Variants in CAMTA1 observed in about 807,000 individuals in gnomAD.
The protein encoded by CAMTA1 is calmodulin-binding transcription activator 1.
In CAMTA1, 27 loss-of-function variants were observed where a neutral mutation model predicts 170.9. The observed-to-expected ratio is 0.16, with a 90% CI of 0.12 to 0.22. The LOEUF is 0.22. Among genes scored for constraint, CAMTA1 ranks in the 10% least tolerant of loss-of-function variants. CAMTA1 has a pLI of 1.00. For synonymous variants in CAMTA1, 833 were observed against 891.5 expected (o/e 0.93, Z 1.17); for missense variants, 1,619 against 2,217.2 (o/e 0.73, Z 5.42).
At chr1:7,582,036 C>T (rs2095265520) in intron 6 of CAMTA1, among the ~76,000 whole-genome samples, 1 of 152,154 alleles carries the variant, frequency 6.6e-6, no homozygotes, top group Non-Finnish European at 1.5e-5. Context: ...TCTGGGGATA[C>T]GTTCCCCTGG....
At chr1:7,203,993 G>A (rs1047197779) in intron 4 of CAMTA1, among the ~76,000 whole-genome samples, 4 of 147,082 alleles carry the variant, frequency 2.7e-5, no homozygotes, top group Non-Finnish European at 5.9e-5. Context: ...CACCATGCCC[G>A]GCTAATTTTT....
At chr1:7,057,706 A>G (rs1056344441) in intron 3 of CAMTA1, among the ~76,000 whole-genome samples, 1 of 152,206 alleles carries the variant, frequency 6.6e-6, no homozygotes, top group African/African-American at 2.4e-5. Context: ...TTAGACAGTT[A>G]GTCCTGACAA....
chr1:7,333,830 C>T lies in CAMTA1; in HGVS notation c.438+84204C>T, dbSNP rs2083184557. Among the ~76,000 whole-genome samples the T allele has an allele frequency of 6.6e-6, 1 of 152,146 alleles. No individual in the cohort carries two copies. Among genetic ancestry groups the T allele is most frequent in the Non-Finnish European group, 1.5e-5 (1 of 68,018 alleles). ...GCATTTTTGTAGCCTCCTCAAAATC[C>T]TCTCTCTGTGTTTACATTTTAATGG... On this transcript the variant is annotated intron_variant, in intron 5 of 22. Coordinates refer to ENST00000303635, the MANE Select transcript of CAMTA1 (RefSeq NM_015215.4). The surrounding 1 kb of genome is among the most constrained non-coding windows in gnomAD (Gnocchi z 4.4).
Position 6,966,000 on chromosome 1 carries a change from T to C in CAMTA1, c.235-125304T>C, listed in dbSNP as rs988958774. Among the ~76,000 whole-genome samples the C allele has an allele frequency of 6.6e-6, 1 of 151,460 alleles. No homozygotes were observed. Among genetic ancestry groups the C allele is most frequent in the Non-Finnish European group, 1.5e-5 (1 of 67,892 alleles). On this transcript the variant is annotated intron_variant, in intron 3 of 22. Coordinates refer to ENST00000303635, the MANE Select transcript of CAMTA1 (RefSeq NM_015215.4). This position sits in a 1 kb window ranked among gnomAD's most constrained non-coding sequence, Gnocchi z 4.1. ...CAAGAACAAGCTAGGGCTTTGGGAG[T>C]GTGTGGGGGATCTCGGGGATGGGGA... is the stretch of plus-strand genomic sequence containing the variant.
At chr1:7,467,785 C>A in intron 5 of CAMTA1, 45 bp from the exon 6 acceptor site, 2 of 1,485,622 alleles carry the variant, frequency 1.3e-6, no homozygotes, top group Non-Finnish European at 1.9e-6. Context: ...TTCCTTCCTT[C>A]CTTCCCTCTT....
At chr1:7,129,919 T>G (rs368108382) in intron 4 of CAMTA1, among the ~76,000 whole-genome samples, 3 of 147,040 alleles carry the variant, frequency 2.0e-5, no homozygotes, top group Admixed American at 6.8e-5. Flanking sequence ...CTACCTTCTT[T>G]TGTGTGTGTG....
At chr1:7,078,798 G>A (rs747693301) in intron 3 of CAMTA1, among the ~76,000 whole-genome samples, 4 of 152,218 alleles carry the variant, frequency 2.6e-5, no homozygotes, top group Non-Finnish European at 4.4e-5. Flanking sequence ...TCTGCATGGA[G>A]GCATTTCAAG....
At chr1:7,489,813 C>T (rs912834181) in intron 6 of CAMTA1, among the ~76,000 whole-genome samples, 7 of 152,214 alleles carry the variant, frequency 4.6e-5, no homozygotes, top group African/African-American at 1.7e-4. Flanking sequence ...GGGCCTTCGG[C>T]CAGCATCCCA....
chr1:7,531,922 CTTTTGAACAGATAGTAATTT>C (rs2094496732), intron 6 of CAMTA1, among the ~76,000 whole-genome samples: 1 of 152,146 alleles, frequency 6.6e-6, no homozygotes, highest in Non-Finnish European at 1.5e-5. Context: ...TGAATGTTGG[CTTTTGAACAGATAGTAATTT>C]TTTTCTAACG....
chr1:7,029,874 C>G (rs906355951), intron 3 of CAMTA1, among the ~76,000 whole-genome samples: 4 of 152,134 alleles, frequency 2.6e-5, no homozygotes, highest in Non-Finnish European at 4.4e-5. Context: ...AATAACTATA[C>G]TTTCCAAAAA....
intron 7 of CAMTA1, among the ~76,000 whole-genome samples, chr1:7,651,230 G>C (rs532940572): frequency 6.6e-6 from 1 of 152,180 alleles, no homozygotes; most frequent in Non-Finnish European, 1.5e-5. Context: ...ACCTAGGTGG[G>C]TGGACTGGAC....
intron 4 of CAMTA1, among the ~76,000 whole-genome samples, chr1:7,230,704 A>G (rs1213291530): frequency 1.3e-5 from 2 of 152,176 alleles, no homozygotes; most frequent in East Asian, 1.9e-4. Flanking sequence ...CTGGGAAAGC[A>G]TCCTTATTTG....
chr1:6,819,766 C>G (rs759625144), intron 1 of CAMTA1, among the ~76,000 whole-genome samples: 2 of 152,200 alleles, frequency 1.3e-5, no homozygotes, highest in Non-Finnish European at 2.9e-5. Context: ...AATACTTGAT[C>G]ATGTACTTCC....
chr1:7,204,601 A>G (rs1306109523), intron 4 of CAMTA1, among the ~76,000 whole-genome samples: 1 of 152,012 alleles, frequency 6.6e-6, no homozygotes, highest in African/African-American at 2.4e-5. Flanking sequence ...ATAATGTTTC[A>G]TGTACCCTTA....
intron 3 of CAMTA1, among the ~76,000 whole-genome samples, chr1:6,883,936 A>T (rs949402739): frequency 9.9e-5 from 15 of 152,166 alleles, no homozygotes; most frequent in African/African-American, 3.6e-4. Context: ...AAAAATTGAG[A>T]AGTTACTTAT....
At chr1:7,120,996 T>A (rs1029777343) in intron 4 of CAMTA1, among the ~76,000 whole-genome samples, 9 of 152,258 alleles carry the variant, frequency 5.9e-5, no homozygotes, top group African/African-American at 2.2e-4. Flanking sequence ...GTGCTCTCAC[T>A]TGTGGCAACT....
chr1:7,604,103 G>T (rs529182733), intron 6 of CAMTA1, among the ~76,000 whole-genome samples: 1 of 152,240 alleles, frequency 6.6e-6, no homozygotes, highest in East Asian at 1.9e-4. Context: ...TTTCTCTCTG[G>T]CTGCCCTTAA....
At chr1:6,816,526 A>G (rs933312491) in intron 1 of CAMTA1, among the ~76,000 whole-genome samples, 1 of 152,210 alleles carries the variant, frequency 6.6e-6, no homozygotes, top group Non-Finnish European at 1.5e-5. Context: ...TGTGGGCGAG[A>G]GGCTTCCTGA....
At chr1:6,900,804 C>CTA (rs1488508410) in intron 3 of CAMTA1, among the ~76,000 whole-genome samples, 1 of 152,146 alleles carries the variant, frequency 6.6e-6, no homozygotes, top group Non-Finnish European at 1.5e-5. Flanking sequence ...AAATGGAGGG[C>CTA]TATACCATGT....
Sources: gnomAD v4.1 joint callset for allele counts (sites outside exome capture counted in the v4.1 genomes callset) on GRCh38, gnomAD v4.1.1 for gene constraint, Gnocchi (gnomAD v3.1) non-coding constraint, MANE v1.5 for transcripts, NCBI Gene and HGNC (gene_info 2026-07-23, HGNC 2026-07-21) for gene names.